CFDP1: variants seen among roughly 807,000 people sequenced by gnomAD.
CFDP1 encodes heterochromatin-stabilizing protein CFDP1.
Under a neutral mutation model 40.1 loss-of-function variants are expected in CFDP1, and 31 were observed. That is an observed-to-expected ratio of 0.77 (90% CI 0.58 to 1.04). CFDP1 has a LOEUF of 1.04. Ranked by LOEUF, CFDP1 falls within the 50% of genes least tolerant of loss-of-function variation. The pLI, the probability that CFDP1 is intolerant of heterozygous loss-of-function variation, is 0.00. For missense variants in CFDP1, 423 were observed against 343.4 expected (o/e 1.23, Z -1.83); for synonymous variants, 167 against 120.0 (o/e 1.39, Z -2.56).
At chr16:75,297,146 T>TTTTGTGTGGGTGTG (rs1555551779) in intron 6 of CFDP1, among the ~76,000 whole-genome samples, 1 of 132,988 alleles carries the variant, frequency 7.5e-6, no homozygotes, top group African/African-American at 2.7e-5. Context: ...TTCCCATTTC[T>TTTTGTGTGGGTGTG]TGTGTGTGTG....
intron 5 of CFDP1, among the ~76,000 whole-genome samples, chr16:75,361,825 C>T (rs1230446770): frequency 3.3e-5 from 5 of 152,190 alleles, no homozygotes; most frequent in Admixed American, 2.0e-4. Flanking sequence ...AATTTCTCAA[C>T]GTCTGTTTCC....
intron 5 of CFDP1, among the ~76,000 whole-genome samples, chr16:75,334,956 C>CA (rs56372530): frequency 0.026 from 3,318 of 127,728 alleles, 63 homozygotes; most frequent in African/African-American, 0.059. Context: ...CACTCTGCCT[C>CA]AAAAAAAAAA....
At chr16:75,358,648 G>GA (rs1369910721) in intron 5 of CFDP1, among the ~76,000 whole-genome samples, 1 of 151,904 alleles carries the variant, frequency 6.6e-6, no homozygotes, top group Non-Finnish European at 1.5e-5. Context: ...ATTTTTACCT[G>GA]AAAAAAATGA....
chr16:75,399,172 C>A (rs1180735888), intron 4 of CFDP1, among the ~76,000 whole-genome samples: 2 of 151,934 alleles, frequency 1.3e-5, no homozygotes, highest in Admixed American at 6.6e-5. Context: ...AGCCCAGCCA[C>A]CCCTGGAACC....
chr16:75,411,916 A>G lies in CFDP1; in HGVS notation c.439T>C (p.Leu147=), dbSNP rs759963919. ...TCTAGCTCTTCTGCTTTTACCAACA[A>G]TTTACTTGAACTTGTCTCTTCAGTC... ...EETEETSSSK[L]LVKAEELEKP... The change falls in exon 4 of 7, where the codon TTG becomes CTG. Residue 147 remains leucine (L), a synonymous_variant. Coordinates refer to ENST00000283882, the MANE Select transcript of CFDP1 (RefSeq NM_006324.3). 1.9e-6 allele frequency: 3 copies of G among 1,611,174 alleles called. No homozygotes were observed. The highest frequency in any genetic ancestry group is 2.5e-6 in the Non-Finnish European group (3 of 1,179,446).
At chr16:75,311,103 G>C (rs1473146216) in intron 5 of CFDP1, among the ~76,000 whole-genome samples, 1 of 152,160 alleles carries the variant, frequency 6.6e-6, no homozygotes, top group Non-Finnish European at 1.5e-5. Flanking sequence ...GAGCTGAAGG[G>C]ATGTTTAGTC....
chr16:75,382,249 A>G (rs2078858787), intron 5 of CFDP1, among the ~76,000 whole-genome samples: 1 of 152,314 alleles, frequency 6.6e-6, no homozygotes, highest in South Asian at 2.1e-4. Flanking sequence ...ACTGCCAACT[A>G]ATTTCCTGAG....
chr16:75,407,927 G>A (rs927058108), intron 4 of CFDP1, among the ~76,000 whole-genome samples: 1 of 151,972 alleles, frequency 6.6e-6, no homozygotes, highest in Non-Finnish European at 1.5e-5. Flanking sequence ...AGGCAAAATG[G>A]TGAAACCCAT....
At chr16:75,407,613 T>C (rs183039716) in intron 4 of CFDP1, among the ~76,000 whole-genome samples, 9 of 146,804 alleles carry the variant, frequency 6.1e-5, no homozygotes, top group African/African-American at 2.3e-4. Flanking sequence ...GCCTCGTAGG[T>C]TGGTTGAGGC....
chr16:75,294,042 C>A lies in CFDP1; in HGVS notation c.810G>T (p.Gly270=), dbSNP rs375111551. The stretch of plus-strand genomic sequence containing the variant: ...CAAGGAAGGCTTTCCGTTCAATGTA[C>A]CTAGAAGATGAAAACAGTGTTTGTC... ...ELAIHNRGKE[G]YIERKAFLDR... The change falls in exon 7 of 7, where the codon GGG becomes GGT. Residue 270 remains glycine (G), a splice_region_variant and synonymous_variant. Transcript: ENST00000283882. 1 of 1,610,970 alleles carries A rather than the reference C, an allele frequency of 6.2e-7. No individual in the cohort carries two copies. Among genetic ancestry groups the A allele is most frequent in the Admixed American group, 1.7e-5 (1 of 59,986 alleles).
chr16:75,388,075 C>G (rs2078915036), intron 5 of CFDP1, among the ~76,000 whole-genome samples: 1 of 152,114 alleles, frequency 6.6e-6, no homozygotes, highest in Non-Finnish European at 1.5e-5. Flanking sequence ...GGCTGAGAGC[C>G]CAGGCTTTGG....
chr16:75,340,830 T>G (rs950131322), intron 5 of CFDP1, among the ~76,000 whole-genome samples: 4 of 152,098 alleles, frequency 2.6e-5, no homozygotes, highest in African/African-American at 9.7e-5. Context: ...ATGAGGTCAA[T>G]GCGAGGACCA....
At chr16:75,430,727 G>C (rs968739030) in intron 1 of CFDP1, among the ~76,000 whole-genome samples, 1 of 152,282 alleles carries the variant, frequency 6.6e-6, no homozygotes, top group Admixed American at 6.5e-5. Context: ...GCCTCCCTAA[G>C]TGATAGGATT....
At chr16:75,384,490 G>T (rs542144198) in intron 5 of CFDP1, among the ~76,000 whole-genome samples, 20 of 152,254 alleles carry the variant, frequency 1.3e-4, no homozygotes, top group South Asian at 1.0e-3. Flanking sequence ...ATGGAAACTG[G>T]TCTTCTCACA....
At chr16:75,421,322 T>A (rs1386512606) in intron 1 of CFDP1, among the ~76,000 whole-genome samples, 1 of 152,164 alleles carries the variant, frequency 6.6e-6, no homozygotes, top group Non-Finnish European at 1.5e-5. Flanking sequence ...TAAATTATCA[T>A]GGCTGTGGGA....
intron 1 of CFDP1, among the ~76,000 whole-genome samples, chr16:75,423,441 G>A (rs963410946): frequency 3.9e-5 from 6 of 152,030 alleles, no homozygotes; most frequent in East Asian, 1.9e-4. Flanking sequence ...AGCGATTCTC[G>A]TGCCTCAGCC....
intron 4 of CFDP1, among the ~76,000 whole-genome samples, chr16:75,408,161 G>C (rs71394210): frequency 6.6e-6 from 1 of 151,934 alleles, no homozygotes; most frequent in Non-Finnish European, 1.5e-5. Flanking sequence ...GGAGGAGAGA[G>C]AAAGAACGCA....
At position 75,433,253 on chromosome 16, in the gene CFDP1, G is replaced by T. The variant is rs763008348; in HGVS notation, c.64+36C>A. ...GCGCCTCACGTGAGGCGTGGGGCGG[G>T]GCAATTCGCTTCTCGCCTCAGGCGG... is the stretch of plus-strand genomic sequence containing the variant. On this transcript the variant is annotated intron_variant, in intron 1 of 6. Coordinates refer to ENST00000283882, the MANE Select transcript of CFDP1 (RefSeq NM_006324.3). 2.6e-6 allele frequency: 4 copies of T among 1,564,476 alleles called. No individual in the cohort carries two copies. The South Asian group carries it at 4.6e-5, about 18-fold the overall frequency.
At chr16:75,319,264 G>T (rs2078346112) in intron 5 of CFDP1, among the ~76,000 whole-genome samples, 1 of 151,992 alleles carries the variant, frequency 6.6e-6, no homozygotes, top group African/African-American at 2.4e-5. Flanking sequence ...GGATGGTCTT[G>T]ATCTCTTGAC....
Sources: gnomAD v4.1 joint callset for allele counts (sites outside exome capture counted in the v4.1 genomes callset) on GRCh38, gnomAD v4.1.1 for gene constraint, MANE v1.5 for transcripts, NCBI Gene and HGNC (gene_info 2026-07-23, HGNC 2026-07-21) for gene names.